Variants in GLRB observed in about 807,000 individuals in gnomAD.
GLRB encodes glycine receptor subunit beta.
A neutral mutation model predicts 54.2 loss-of-function variants in GLRB; 33 were observed. The ratio of observed to expected loss-of-function variants is 0.61; its 90% CI spans 0.46 to 0.81. The LOEUF is 0.81. Ranked by LOEUF, GLRB falls within the 40% of genes least tolerant of loss-of-function variation. The pLI is 0.00. For synonymous variants in GLRB, 209 were observed against 208.2 expected (o/e 1.00, Z -0.03); for missense variants, 572 against 584.6 (o/e 0.98, Z 0.22).
intron 2 of GLRB, among the ~76,000 whole-genome samples, chr4:157,099,206 C>T (rs974077924): frequency 6.6e-6 from 1 of 152,048 alleles, no homozygotes; most frequent in Non-Finnish European, 1.5e-5. Context: ...CAGTAAGGTG[C>T]TTCCTGTAAC....
At chr4:157,153,637 G>T (rs1197690039) in intron 9 of GLRB, among the ~76,000 whole-genome samples, 1 of 152,160 alleles carries the variant, frequency 6.6e-6, no homozygotes, top group Non-Finnish European at 1.5e-5. Flanking sequence ...TTAATTATGG[G>T]TTTAAGAATA....
At chr4:157,122,267 A>T (rs1007203215) in intron 3 of GLRB, 63 bp from the exon 4 acceptor site, 6 of 677,834 alleles carry the variant, frequency 8.9e-6, no homozygotes, top group South Asian at 1.9e-5. Flanking sequence ...AACCAAAAAA[A>T]CTATGATGAT....
chr4:157,097,085 G>A (rs1215425687), intron 2 of GLRB, among the ~76,000 whole-genome samples: 3 of 152,158 alleles, frequency 2.0e-5, no homozygotes, highest in Non-Finnish European at 2.9e-5. Flanking sequence ...TAAAATTAGA[G>A]TAATGATTTG....
chr4:157,105,367 T>C (rs925429323), intron 2 of GLRB, among the ~76,000 whole-genome samples: 2 of 152,074 alleles, frequency 1.3e-5, no homozygotes, highest in South Asian at 2.1e-4. Flanking sequence ...TTTCATTCCA[T>C]TGTGTTTGAA....
chr4:157,143,043 G>A (rs1262916967), intron 7 of GLRB, among the ~76,000 whole-genome samples: 1 of 152,108 alleles, frequency 6.6e-6, no homozygotes, highest in Admixed American at 6.6e-5. Context: ...CCTGTAATTG[G>A]TGATTAATTT....
chr4:157,167,220 C>T (rs72980561), intron 9 of GLRB, among the ~76,000 whole-genome samples: 15,963 of 152,106 alleles, frequency 0.1, 1,613 homozygotes, highest in African/African-American at 0.27. Flanking sequence ...AACTATGATA[C>T]ACATAGAATC....
At chr4:157,115,940 A>C (rs1243698016) in intron 2 of GLRB, among the ~76,000 whole-genome samples, 1 of 151,850 alleles carries the variant, frequency 6.6e-6, no homozygotes, top group Non-Finnish European at 1.5e-5. Flanking sequence ...TGGAGAAATA[A>C]AACAATTCCT....
At chr4:157,079,543 T>C (rs1042027768) in intron 2 of GLRB, among the ~76,000 whole-genome samples, 1 of 152,220 alleles carries the variant, frequency 6.6e-6, no homozygotes, top group Non-Finnish European at 1.5e-5. Context: ...GTCCTGCTTA[T>C]TCTAGTGCTG....
intron 4 of GLRB, among the ~76,000 whole-genome samples, chr4:157,133,097 C>G (rs1390526158): frequency 1.3e-5 from 2 of 151,806 alleles, no homozygotes; most frequent in African/African-American, 4.8e-5. Context: ...TAGGTAACAT[C>G]TTTACAACAA....
chr4:157,129,362 G>C (rs896173551), intron 4 of GLRB, among the ~76,000 whole-genome samples: 5 of 151,656 alleles, frequency 3.3e-5, no homozygotes, highest in African/African-American at 1.2e-4. Context: ...TTCAAAGATG[G>C]TTATCTTAAT....
chr4:157,164,547 G>T (rs925603755), intron 9 of GLRB, among the ~76,000 whole-genome samples: 1 of 152,072 alleles, frequency 6.6e-6, no homozygotes, highest in Admixed American at 6.6e-5. Flanking sequence ...TAATCCCTAC[G>T]ATCAGCTCCA....
chr4:157,142,249 T>C (rs1288751639), intron 7 of GLRB, among the ~76,000 whole-genome samples: 2 of 152,126 alleles, frequency 1.3e-5, no homozygotes, highest in East Asian at 3.8e-4. Context: ...AGATTTTTCA[T>C]TGTTATGTTT....
chr4:157,077,969 TA>T (rs1734096216), intron 1 of GLRB, 26 bp from the exon 2 acceptor site: 4 of 1,488,388 alleles, frequency 2.7e-6, no homozygotes, highest in Non-Finnish European at 3.7e-6. Flanking sequence ...TTCATAAATG[TA>T]AACATTTTCT....
intron 2 of GLRB, among the ~76,000 whole-genome samples, chr4:157,117,981 A>T (rs2126523840): frequency 6.6e-6 from 1 of 151,810 alleles, no homozygotes; most frequent in African/African-American, 2.4e-5. Flanking sequence ...TGAGGTTTAA[A>T]AGGACAGGTT....
rs1294672040 is a variant in GLRB, at chr4:157,171,300, A to C, written c.*572A>C. The stretch of plus-strand genomic sequence containing the variant: ...TAATTTGTAAAATCAGCTCGTTTTA[A>C]AGTGTGCTTGTGTTGTCAAAAATAT... On this transcript the variant is annotated 3_prime_UTR_variant, in exon 10 of 10. Coordinates refer to ENST00000264428, the MANE Select transcript of GLRB (RefSeq NM_000824.5). 1 of 152,320 alleles carries C rather than the reference A, an allele frequency of 6.6e-6. No homozygotes were observed. Among genetic ancestry groups the C allele is most frequent in the Non-Finnish European group, 1.5e-5 (1 of 67,870 alleles). 9.4% of individuals were successfully genotyped at this position (152,320 alleles called of 1,614,324 possible).
At chr4:157,114,407 A>G (rs1456726060) in intron 2 of GLRB, among the ~76,000 whole-genome samples, 5 of 151,420 alleles carry the variant, frequency 3.3e-5, no homozygotes, top group African/African-American at 1.2e-4. Flanking sequence ...AAAATTTCCA[A>G]GGTAGTACAG....
intron 2 of GLRB, among the ~76,000 whole-genome samples, chr4:157,105,151 T>C (rs184331557): frequency 7.9e-5 from 12 of 152,084 alleles, no homozygotes; most frequent in Non-Finnish European, 1.6e-4. Context: ...ATTTGAGTTA[T>C]ATCTTCTTGT....
At chr4:157,102,777 G>T (rs1409603682) in intron 2 of GLRB, among the ~76,000 whole-genome samples, 1 of 152,156 alleles carries the variant, frequency 6.6e-6, no homozygotes, top group Non-Finnish European at 1.5e-5. Context: ...ATGAAAGGAG[G>T]TTGTATGCAA....
At chr4:157,152,205 G>C (rs1737046054) in intron 8 of GLRB, among the ~76,000 whole-genome samples, 1 of 152,106 alleles carries the variant, frequency 6.6e-6, no homozygotes, top group African/African-American at 2.4e-5. Context: ...TCCCTAAACA[G>C]GAATATTTCC....
Sources: allele counts gnomAD v4.1 joint callset (sites outside exome capture counted in the v4.1 genomes callset), GRCh38; gene constraint gnomAD v4.1.1; transcripts MANE v1.5; gene names NCBI Gene and HGNC (gene_info 2026-07-23, HGNC 2026-07-21).